The following ATG10 variants were observed in gnomAD, a reference collection of about 807,000 sequenced individuals.
ATG10 encodes the protein autophagy related 10, also known as ubiquitin-like-conjugating enzyme ATG10.
ATG10 carries 30 observed loss-of-function variants against 32.1 expected under a neutral mutation model. That is an observed-to-expected ratio of 0.94 (90% CI 0.70 to 1.27). ATG10 has a LOEUF of 1.27. Ranked by LOEUF, ATG10 falls within the 50% of genes most tolerant of loss-of-function variation. The pLI, the probability that ATG10 is intolerant of heterozygous loss-of-function variation, is 0.00. For missense variants in ATG10, 233 were observed against 262.3 expected, an observed-to-expected ratio of 0.89 and a Z score of 0.77; for synonymous variants, 87 against 91.5, an observed-to-expected ratio of 0.95 and a Z score of 0.28.
intron 4 of ATG10, among the ~76,000 whole-genome samples, chr5:82,168,587 T>A (rs1437806542): frequency 6.6e-6 from 1 of 152,186 alleles, no homozygotes; most frequent in Admixed American, 6.5e-5. Context: ...GACCATTCTA[T>A]TATTGGCCCA....
rs142067466 is a variant in ATG10 at position 82,116,210 on chromosome 5, A to T, written c.217-48189A>T. 9.9e-5 allele frequency among the ~76,000 whole-genome samples: 15 copies of T among 152,226 alleles called. No individual in the cohort carries two copies. The South Asian group carries it at 1.7e-3, about 17-fold the overall frequency. On this transcript the variant is annotated intron_variant, in intron 3 of 7. Coordinates refer to ENST00000282185, the MANE Select transcript of ATG10 (RefSeq NM_031482.5). ...CCAAATTATTTGTGTTATCAAATTCATATTGCATTTCCATATAGTAGTTGG... is the reference window on the plus strand; with the variant it reads ...CCAAATTATTTGTGTTATCAAATTCTTATTGCATTTCCATATAGTAGTTGG...
At chr5:82,208,863 A>T (rs1327167768) in intron 5 of ATG10, among the ~76,000 whole-genome samples, 1 of 152,186 alleles carries the variant, frequency 6.6e-6, no homozygotes, top group Non-Finnish European at 1.5e-5. Context: ...CTTCGTTGTA[A>T]TATAGTATCC....
At chr5:81,976,039 C>T (rs1215158945) in intron 1 of ATG10, among the ~76,000 whole-genome samples, 6 of 148,584 alleles carry the variant, frequency 4.0e-5, no homozygotes, top group East Asian at 2.0e-4. Flanking sequence ...CTCACTCTGT[C>T]GCCCAGGCTG....
chr5:82,206,097 G>A (rs1052433625), intron 5 of ATG10, among the ~76,000 whole-genome samples: 1 of 152,134 alleles, frequency 6.6e-6, no homozygotes, highest in African/African-American at 2.4e-5. Context: ...AGTGATTCTT[G>A]TATTGATAAG....
At chr5:82,139,710 T>G (rs1300726719) in intron 3 of ATG10, among the ~76,000 whole-genome samples, 2 of 116,900 alleles carry the variant, frequency 1.7e-5, no homozygotes, top group African/African-American at 7.1e-5. Flanking sequence ...GGGAGGGAGG[T>G]GGGGGGGGGT....
intron 2 of ATG10, among the ~76,000 whole-genome samples, chr5:81,989,765 A>AT (rs1307185419): frequency 6.0e-5 from 9 of 151,126 alleles, no homozygotes; most frequent in African/African-American, 1.7e-4. Flanking sequence ...GGCCTGGCTA[A>AT]TTTTTTTTTA....
rs1743497716 is a variant in ATG10 at position 82,164,470 on chromosome 5, T to C, written c.288T>C (p.Tyr96=). The part of the protein sequence containing the change: ...ETAAASEVIK[Y]EYHVLYSCSY... ...CAGCAGCGTCCGAAGTGATTAAATATGAGTATCATGTCTTATATTCCTGTA... is the reference window on the plus strand; with the variant it reads ...CAGCAGCGTCCGAAGTGATTAAATACGAGTATCATGTCTTATATTCCTGTA... Residue 96 remains tyrosine (Y), a synonymous_variant, in exon 4 of 8, where the codon TAT becomes TAC. Coordinates refer to ENST00000282185, the MANE Select transcript of ATG10 (RefSeq NM_031482.5). 2.5e-6 allele frequency: 4 copies of C among 1,613,538 alleles called. 1 individual carries two copies. The highest frequency in any genetic ancestry group is 1.3e-5 in the African/African-American group (1 of 75,018).
intron 3 of ATG10, among the ~76,000 whole-genome samples, chr5:82,141,091 GGCC>G (rs10535650): frequency 0.087 from 11,380 of 130,472 alleles, 645 homozygotes; most frequent in East Asian, 0.31. Context: ...CACTGCGGAA[GGCC>G]GCAGGGTCCT....
intron 2 of ATG10, among the ~76,000 whole-genome samples, chr5:82,026,138 C>T (rs1762587894): frequency 6.6e-6 from 1 of 152,180 alleles, no homozygotes; most frequent in African/African-American, 2.4e-5. Context: ...ACAACTACTC[C>T]TCATTCCCAT....
intron 5 of ATG10, among the ~76,000 whole-genome samples, chr5:82,180,046 C>A (rs991674472): frequency 1.6e-4 from 24 of 152,116 alleles, no homozygotes; most frequent in Admixed American, 1.4e-3. Context: ...TTCCTCTCTG[C>A]CCCTTACCTG....
rs189292503 is a variant in ATG10 at position 82,198,639 on chromosome 5, C to A, written c.453+20052C>A. Among the ~76,000 whole-genome samples the A allele has an allele frequency of 1.4e-4, 21 of 152,318 alleles. No individual in the cohort carries two copies. In the East Asian group the frequency reaches 3.9e-3, roughly 28 times the overall value. ...GCCCCCAAAAACAGAGATTTTACAA[C>A]CTGAATCTATGGTCTAAGAGGTTAT... On this transcript the variant is annotated intron_variant, in intron 5 of 7. Transcript: ENST00000282185.
intron 3 of ATG10, among the ~76,000 whole-genome samples, chr5:82,135,417 T>A (rs565222561): frequency 1.3e-5 from 2 of 152,232 alleles, no homozygotes; most frequent in African/African-American, 2.4e-5. Context: ...GAGATTCTGG[T>A]ACATTGTATC....
intron 5 of ATG10, among the ~76,000 whole-genome samples, chr5:82,201,536 T>C (rs1745069503): frequency 6.6e-6 from 1 of 152,342 alleles, no homozygotes; most frequent in South Asian, 2.1e-4. Context: ...AATACCACAT[T>C]GCCTTGCTTA....
chr5:82,142,678 G>A (rs1276174518), intron 3 of ATG10, among the ~76,000 whole-genome samples: 2 of 152,138 alleles, frequency 1.3e-5, no homozygotes, highest in Non-Finnish European at 2.9e-5. Flanking sequence ...GAGGGTGCGT[G>A]GGAGGTGGTT....
chr5:82,184,197 C>T (rs1214940471), intron 5 of ATG10, among the ~76,000 whole-genome samples: 1 of 152,124 alleles, frequency 6.6e-6, no homozygotes, highest in Non-Finnish European at 1.5e-5. Context: ...GGTTAAATTA[C>T]AAAGATTCTG....
At chr5:82,080,100 A>G (rs1314694425) in intron 3 of ATG10, among the ~76,000 whole-genome samples, 3 of 152,124 alleles carry the variant, frequency 2.0e-5, no homozygotes, top group Admixed American at 1.3e-4. Flanking sequence ...TTTGATTTGC[A>G]TTTATCTGAT....
intron 3 of ATG10, among the ~76,000 whole-genome samples, chr5:82,139,804 C>T (rs1460161999): frequency 7.3e-6 from 1 of 136,834 alleles, no homozygotes; most frequent in African/African-American, 2.8e-5. Context: ...TGAGGAGCCC[C>T]TCAGCCCGGC....
intron 2 of ATG10, chr5:82,009,649 T>A: frequency 1.3e-6 from 2 of 1,594,084 alleles, no homozygotes; most frequent in Non-Finnish European, 1.7e-6. Context: ...GTCTTGCCAT[T>A]CCTGGACCCA....
intron 3 of ATG10, among the ~76,000 whole-genome samples, chr5:82,130,626 A>G (rs543776162): frequency 1.3e-4 from 19 of 151,940 alleles, no homozygotes; most frequent in Non-Finnish European, 2.2e-4. Flanking sequence ...GTGCTTTCCA[A>G]TTGAGGAGAT....
Sources: gnomAD v4.1 joint callset for allele counts (sites outside exome capture counted in the v4.1 genomes callset) on GRCh38, gnomAD v4.1.1 for gene constraint, MANE v1.5 for transcripts, NCBI Gene and HGNC (gene_info 2026-07-23, HGNC 2026-07-21) for gene names.